Variants in HSF1 observed in about 807,000 individuals in gnomAD.
HSF1 encodes the protein heat shock transcription factor 1, also known as heat shock factor protein 1.
A neutral mutation model predicts 51.7 loss-of-function variants in HSF1; 32 were observed. The observed-to-expected ratio is 0.62, with a 90% confidence interval of 0.47 to 0.83. The LOEUF is 0.83. HSF1 is among the 40% of genes least tolerant of loss of function. HSF1 has a pLI of 0.00. For missense variants in HSF1, 727 were observed against 717.0 expected (o/e 1.01, Z -0.16); for synonymous variants, 396 against 309.7 (o/e 1.28, Z -2.92).
intron 1 of HSF1, among the ~76,000 whole-genome samples, chr8:144,301,735 GGT>G (rs1564614691): frequency 6.6e-6 from 1 of 151,912 alleles, no homozygotes; most frequent in Non-Finnish European, 1.5e-5. Flanking sequence ...CGTGGTGGCG[GGT>G]GCCTGTAGTC....
chr8:144,291,796 C>T lies in HSF1; in HGVS notation c.39C>T (p.Ser13=). ...LPVGPGAAGP[S]NVPAFLTKLW... ...TGGGCCCCGGCGCGGCGGGGCCCAG[C>T]AACGTCCCGGCCTTCCTGACCAAGC... is the stretch of plus-strand genomic sequence containing the variant. The change falls in exon 1 of 13, where the codon AGC becomes AGT. Residue 13 remains serine (S), a synonymous_variant. Coordinates refer to ENST00000528838, the MANE Select transcript of HSF1 (RefSeq NM_005526.4). This position sits in a 1 kb window ranked among gnomAD's most constrained non-coding sequence, Gnocchi z 4.1. 6.5e-7 allele frequency: 1 copy of T among 1,547,828 alleles called. No individual in the cohort carries two copies. The highest frequency in any genetic ancestry group is 1.9e-5 in the Admixed American group (1 of 53,606).
At chr8:144,301,270 T>G (rs1815849789) in intron 1 of HSF1, among the ~76,000 whole-genome samples, 1 of 151,946 alleles carries the variant, frequency 6.6e-6, no homozygotes, top group Non-Finnish European at 1.5e-5. Flanking sequence ...AATACAAAAA[T>G]TAGCCGGGCG....
chr8:144,311,419 G>T (rs782125954), intron 6 of HSF1, 37 bp downstream of exon 6: 1 of 1,613,272 alleles, frequency 6.2e-7, no homozygotes, highest in Non-Finnish European at 8.5e-7. Context: ...ACCACCCGGG[G>T]CCCAGGGCTG....
intron 1 of HSF1, among the ~76,000 whole-genome samples, chr8:144,304,999 G>A (rs139717499): frequency 2.1e-3 from 324 of 150,768 alleles, no homozygotes; most frequent in African/African-American, 7.6e-3. Flanking sequence ...CCAGGCTGGA[G>A]TGCAGTGGGG....
chr8:144,306,828 T>C (rs1816256533), intron 1 of HSF1, among the ~76,000 whole-genome samples: 1 of 152,248 alleles, frequency 6.6e-6, no homozygotes, highest in South Asian at 2.1e-4. Flanking sequence ...GCCACTGCCG[T>C]CTCTGTTCAG....
chr8:144,313,857 C>T lies in HSF1; in HGVS notation c.1260C>T (p.Pro420=), dbSNP rs1817005140. The part of the protein sequence containing the change: ...DTSALLDLFS[P]SVTVPDMSLP... ...TCCCTCCTCCGCAGCTGTTCAGCCC[C>T]TCGGTGACCGTGCCCGACATGAGCC... The change falls in exon 11 of 13, where the codon CCC becomes CCT. Residue 420 remains proline, a synonymous_variant. Coordinates refer to ENST00000528838, the MANE Select transcript of HSF1 (RefSeq NM_005526.4). The T allele has an allele frequency of 6.2e-7, 1 of 1,603,980 alleles. No individual in the cohort carries two copies. Among genetic ancestry groups the T allele is most frequent in the South Asian group, 1.1e-5 (1 of 90,530 alleles).
intron 1 of HSF1, among the ~76,000 whole-genome samples, chr8:144,300,774 T>C (rs1479486393): frequency 6.6e-6 from 1 of 151,850 alleles, no homozygotes; most frequent in Non-Finnish European, 1.5e-5. Context: ...AGAGGAAGGA[T>C]TGGGTAAAAA....
chr8:144,312,146 C>T lies in HSF1; in HGVS notation c.1044C>T (p.Leu348=). The T allele has an allele frequency of 6.2e-7, 1 of 1,611,650 alleles. No individual in the cohort carries two copies. Among genetic ancestry groups the T allele is most frequent in the Non-Finnish European group, 8.5e-7 (1 of 1,179,544 alleles). Reference sequence around the variant, plus strand: ...CTGCCCCCGCCTCCGTCACAGCCCTCACGGACGCCAGGGGCCACACGGACA... The same window carrying T: ...CTGCCCCCGCCTCCGTCACAGCCCTTACGGACGCCAGGGGCCACACGGACA... ...SEPAPASVTA[L]TDARGHTDTE... is the part of the protein sequence containing the mutation. The change falls in exon 9 of 13, where the codon CTC becomes CTT. Residue 348 remains leucine (L), a synonymous_variant. Transcript: ENST00000528838.
chr8:144,306,031 C>G (rs1554843262), intron 1 of HSF1, among the ~76,000 whole-genome samples: 1 of 152,120 alleles, frequency 6.6e-6, no homozygotes, highest in Non-Finnish European at 1.5e-5. Context: ...CGCGCCCGGC[C>G]CCTCTGGTTG....
At chr8:144,296,474 C>T (rs993584813) in intron 1 of HSF1, among the ~76,000 whole-genome samples, 4 of 152,168 alleles carry the variant, frequency 2.6e-5, no homozygotes, top group South Asian at 4.1e-4. Flanking sequence ...TGTGCCCGGA[C>T]CATAGTGCCT....
chr8:144,304,435 T>C (rs1816082846), intron 1 of HSF1, among the ~76,000 whole-genome samples: 2 of 152,320 alleles, frequency 1.3e-5, no homozygotes, highest in South Asian at 2.1e-4. Flanking sequence ...AGCATAGCTT[T>C]GCCGGATATT....
intron 9 of HSF1, 55 bp from the exon 10 acceptor site, chr8:144,313,456 C>T (rs1359872419): frequency 1.7e-6 from 2 of 1,150,994 alleles, no homozygotes; most frequent in Non-Finnish European, 2.6e-6. Flanking sequence ...CACAGGAGGG[C>T]ATTGGGGTGT....
chr8:144,292,662 T>G (rs1321226303), intron 1 of HSF1: 1 of 152,234 alleles, frequency 6.6e-6, no homozygotes, highest in Non-Finnish European at 1.5e-5. Flanking sequence ...AGTGATGACC[T>G]GAAGAAGGGC....
At position 144,314,131 on chromosome 8, in the gene HSF1, A is replaced by G. The variant is rs1817056577; in HGVS notation, c.1391A>G (p.Gln464Arg). 1 of 1,288,906 alleles carries G rather than the reference A, an allele frequency of 7.8e-7. No individual in the cohort carries two copies. The highest frequency in any genetic ancestry group is 1.0e-6 in the Non-Finnish European group (1 of 988,118). 79.8% of individuals were successfully genotyped at this position (1,288,906 alleles called of 1,614,324 possible). A position where few individuals can be genotyped will look rare whatever the true frequency, so the allele number is the denominator to read the frequency against. The change falls in exon 13 of 13, where the codon CAG (glutamine) becomes CGG (arginine). Residue 464 changes from glutamine (Q) to arginine (R), a missense_variant. Transcript: ENST00000528838. ...AENSSPDSGK[Q>R]LVHYTAQPLF... The stretch of plus-strand genomic sequence containing the variant: ...GACACCCCCACCCCCGCAGGGAAGC[A>G]GCTGGTGCACTACACAGCGCAGCCG...
chr8:144,293,813 C>A (rs4570203), intron 1 of HSF1, among the ~76,000 whole-genome samples: 76,756 of 147,076 alleles, frequency 0.52, 20,398 homozygotes, highest in Admixed American at 0.64. Context: ...GGGGCATCCG[C>A]GATTATCTGG....
chr8:144,309,573 C>T lies in HSF1; in HGVS notation c.345C>T (p.Ile115=). ...LRGQEQLLEN[I]KRKVTSVSTL... The stretch of plus-strand genomic sequence containing the variant: ...GCCAGGAGCAGCTCCTTGAGAACAT[C>T]AAGAGGAAAGTGACCAGTGTGAGTG... The change falls in exon 3 of 13, where the codon ATC becomes ATT. Residue 115 remains isoleucine (I), a synonymous_variant. Coordinates refer to ENST00000528838, the MANE Select transcript of HSF1 (RefSeq NM_005526.4). 5 of 1,613,986 alleles carry T rather than the reference C, an allele frequency of 3.1e-6. No individual in the cohort carries two copies. The highest frequency in any genetic ancestry group is 4.2e-6 in the Non-Finnish European group (5 of 1,180,002).
chr8:144,292,247 C>G (rs1450394252), intron 1 of HSF1, among the ~76,000 whole-genome samples: 1 of 152,238 alleles, frequency 6.6e-6, no homozygotes, highest in Non-Finnish European at 1.5e-5. Flanking sequence ...CATCGGCGTC[C>G]CCAGGGGACA....
Position 144,308,877 on chromosome 8 carries a change from C to T in HSF1, c.118-29C>T, listed in dbSNP as rs782270315. 3.8e-6 allele frequency: 6 copies of T among 1,587,354 alleles called. No individual in the cohort carries two copies. The East Asian group carries it at 6.7e-5, about 18-fold the overall frequency. ...GGGCACGCTGCCCCTCACCACCACG[C>T]GTGACCCACCCATGTGTCTCCCTTT... On this transcript the variant is annotated intron_variant, in intron 1 of 12. Transcript: ENST00000528838.
chr8:144,297,437 C>T lies in HSF1; in HGVS notation c.117+5563C>T, dbSNP rs572393274. Among the ~76,000 whole-genome samples the T allele has an allele frequency of 6.6e-6, 1 of 152,318 alleles. No individual in the cohort carries two copies. The highest frequency in any genetic ancestry group is 6.5e-5 in the Admixed American group (1 of 15,312). On this transcript the variant is annotated intron_variant, in intron 1 of 12. Coordinates refer to ENST00000528838, the MANE Select transcript of HSF1 (RefSeq NM_005526.4). The surrounding 1 kb of genome is among the most constrained non-coding windows in gnomAD (Gnocchi z 4.6). ...GAGGGCGATTGTGCTGCTCTTGGTCCTTGTGTGGCGAGAACACGCTGGAAG... is the reference window on the plus strand; with the variant it reads ...GAGGGCGATTGTGCTGCTCTTGGTCTTTGTGTGGCGAGAACACGCTGGAAG...
Sources: allele counts gnomAD v4.1 joint callset (sites outside exome capture counted in the v4.1 genomes callset), GRCh38; gene constraint gnomAD v4.1.1; non-coding constraint Gnocchi (gnomAD v3.1); transcripts MANE v1.5; gene names NCBI Gene and HGNC (gene_info 2026-07-23, HGNC 2026-07-21).